UQCC1: variants seen among roughly 807,000 people sequenced by gnomAD.
UQCC1 encodes the protein bFGF-repressed Zic-binding protein.
A neutral mutation model predicts 48.0 loss-of-function variants in UQCC1; 38 were observed. The ratio of observed to expected loss-of-function variants is 0.79; its 90% CI spans 0.61 to 1.04. The LOEUF (loss-of-function observed/expected upper bound fraction) is 1.04. Among genes scored for constraint, UQCC1 ranks in the 50% least tolerant of loss-of-function variants. The pLI, the probability that UQCC1 is intolerant of heterozygous loss-of-function variation, is 0.00. For missense variants in UQCC1, 368 were observed against 381.8 expected (o/e 0.96, Z 0.30); for synonymous variants, 111 against 129.2 (o/e 0.86, Z 0.95).
At chr20:35,404,590 A>G (rs2062221948) in intron 1 of UQCC1, among the ~76,000 whole-genome samples, 1 of 151,804 alleles carries the variant, frequency 6.6e-6, no homozygotes, top group African/African-American at 2.4e-5. Flanking sequence ...TGGGTGCAGC[A>G]CACCATCATG....
chr20:35,404,712 C>T (rs2062225810), intron 1 of UQCC1, among the ~76,000 whole-genome samples: 1 of 148,978 alleles, frequency 6.7e-6, no homozygotes, highest in Non-Finnish European at 1.5e-5. Context: ...AAAGAACTGG[C>T]ATTATTCAAC....
At chr20:35,353,621 C>T (rs2146405724) in intron 6 of UQCC1, among the ~76,000 whole-genome samples, 1 of 151,920 alleles carries the variant, frequency 6.6e-6, no homozygotes, top group Middle Eastern at 3.4e-3. Context: ...TAAGACCCCA[C>T]CTCTACAAAA....
intron 7 of UQCC1, among the ~76,000 whole-genome samples, chr20:35,321,785 G>A (rs763921680): frequency 4.6e-5 from 7 of 152,320 alleles, no homozygotes; most frequent in South Asian, 4.1e-4. Context: ...TGCATAGCCT[G>A]ATAATGTGCT....
chr20:35,403,357 A>G (rs1171883632), intron 1 of UQCC1, among the ~76,000 whole-genome samples: 1 of 152,216 alleles, frequency 6.6e-6, no homozygotes, highest in Non-Finnish European at 1.5e-5. Context: ...AGACATATAT[A>G]TATTTCCTAC....
rs1448279447 is a variant in UQCC1 at position 35,306,742 on chromosome 20, A to G, written c.689T>C (p.Leu230Pro). The G allele has an allele frequency of 5.6e-6, 9 of 1,614,044 alleles. No homozygotes were observed. The highest frequency in any genetic ancestry group is 7.6e-6 in the Non-Finnish European group (9 of 1,180,024). The stretch of plus-strand genomic sequence containing the variant: ...TTTCCGGTTGAAGAAGGTTCTCCAG[A>G]GGGCAGCGGCCAGCCCATGATCATC... ...LSDDHGLAAA[L>P]WRTFFNRKCE... Residue 230 changes from leucine (L) to proline (P), a missense_variant, in exon 9 of 10, where the codon CTC becomes CCC. Physicochemically the swap from Leu to Pro is moderately conservative, Grantham distance 98. Transcript: ENST00000374385.
chr20:35,406,366 C>T (rs1821632815), intron 1 of UQCC1, among the ~76,000 whole-genome samples: 1 of 152,196 alleles, frequency 6.6e-6, no homozygotes, highest in African/African-American at 2.4e-5. Flanking sequence ...AGAAGAAACT[C>T]ATCATATACA....
chr20:35,387,845 T>C (rs966867430), intron 2 of UQCC1, among the ~76,000 whole-genome samples: 10 of 152,016 alleles, frequency 6.6e-5, no homozygotes, highest in African/African-American at 2.2e-4. Context: ...AGGAGAAAAC[T>C]TTCCCAAGCA....
intron 3 of UQCC1, among the ~76,000 whole-genome samples, chr20:35,383,717 G>T (rs756514974): frequency 1.3e-5 from 2 of 152,004 alleles, no homozygotes; most frequent in African/African-American, 2.4e-5. Context: ...GTACACAGTG[G>T]TGCATGACTG....
At chr20:35,369,137 C>G (rs1298935889) in intron 5 of UQCC1, among the ~76,000 whole-genome samples, 1 of 152,202 alleles carries the variant, frequency 6.6e-6, no homozygotes, top group Non-Finnish European at 1.5e-5. Context: ...GAGAGGGAAT[C>G]AGTTCTTGGG....
intron 7 of UQCC1, among the ~76,000 whole-genome samples, chr20:35,327,634 A>G (rs997891898): frequency 2.6e-5 from 4 of 152,208 alleles, no homozygotes; most frequent in Admixed American, 1.3e-4. Flanking sequence ...TAGAAGCCAT[A>G]TGATCATTCT....
chr20:35,307,462 G>T (rs886306559), intron 8 of UQCC1, among the ~76,000 whole-genome samples: 1 of 152,190 alleles, frequency 6.6e-6, no homozygotes. Context: ...GAAGCTTAAA[G>T]ATTACAGAGC....
intron 7 of UQCC1, among the ~76,000 whole-genome samples, chr20:35,342,768 G>T (rs929578801): frequency 6.6e-6 from 1 of 152,186 alleles, no homozygotes; most frequent in Non-Finnish European, 1.5e-5. Flanking sequence ...TATTTCCACA[G>T]CTAATTTATA....
chr20:35,351,860 A>C (rs1185574686), intron 6 of UQCC1, among the ~76,000 whole-genome samples: 1 of 152,268 alleles, frequency 6.6e-6, no homozygotes, highest in Non-Finnish European at 1.5e-5. Context: ...AAATGAAGAC[A>C]CTTTCAAAAT....
At chr20:35,371,349 T>TG (rs1265675099) in intron 5 of UQCC1, among the ~76,000 whole-genome samples, 1 of 151,416 alleles carries the variant, frequency 6.6e-6, no homozygotes, top group Admixed American at 6.6e-5. Flanking sequence ...TTTTTGTTTT[T>TG]TTTTTTGAGA....
intron 1 of UQCC1, among the ~76,000 whole-genome samples, chr20:35,405,428 C>T (rs183851281): frequency 1.1e-4 from 17 of 152,088 alleles, no homozygotes; most frequent in Non-Finnish European, 4.4e-5. Flanking sequence ...TTTTCAACAA[C>T]AAAAAGTTAT....
At chr20:35,321,283 T>TGTGTGTGTGTGTGC (rs1389196330) in intron 7 of UQCC1, among the ~76,000 whole-genome samples, 70 of 141,582 alleles carry the variant, frequency 4.9e-4, no homozygotes, top group African/African-American at 2.0e-3. Context: ...TGTGTGTGTG[T>TGTGTGTGTGTGTGC]GCGCGCGCGC....
chr20:35,393,950 T>A, intron 2 of UQCC1, 142 bp downstream of exon 2: 1 of 702,060 alleles, frequency 1.4e-6, no homozygotes, highest in South Asian at 1.7e-5. Context: ...TAGGAATCAG[T>A]CCTAAGTTGG....
At chr20:35,336,006 C>CA (rs1033086525) in intron 7 of UQCC1, among the ~76,000 whole-genome samples, 67 of 151,866 alleles carry the variant, frequency 4.4e-4, no homozygotes, top group African/African-American at 1.5e-3. Flanking sequence ...CCCATCTCTA[C>CA]AAAAAAACCC....
rs1312989067 is a variant in UQCC1, at chr20:35,394,198, T to C, written c.25-2A>G. The C allele has an allele frequency of 6.2e-7, 1 of 1,612,636 alleles. No homozygotes were observed. Among genetic ancestry groups the C allele is most frequent in the Non-Finnish European group, 8.5e-7 (1 of 1,178,754 alleles). ...CTGAGAAATGCTAGTCTGGTTCCTC[T>C]AAAGAAAGAAAATAATAATCTGTCA... is the stretch of plus-strand genomic sequence containing the variant. On this transcript the variant is annotated splice_acceptor_variant, in intron 1 of 9. Transcript: ENST00000374385. LOFTEE classifies it high-confidence loss of function.
Sources: gnomAD v4.1 joint callset for allele counts (sites outside exome capture counted in the v4.1 genomes callset) on GRCh38, gnomAD v4.1.1 for gene constraint, MANE v1.5 for transcripts, NCBI Gene and HGNC (gene_info 2026-07-23, HGNC 2026-07-21) for gene names.